GAN: variants seen among roughly 807,000 people sequenced by gnomAD.
GAN encodes gigaxonin.
Under a neutral mutation model 71.3 loss-of-function variants are expected in GAN, and 48 were observed. That is an observed-to-expected ratio of 0.67 (90% CI 0.53 to 0.86). The LOEUF (loss-of-function observed/expected upper bound fraction) is 0.86, where lower values mean the gene tolerates loss of function less well. GAN is among the 40% of genes least tolerant of loss of function. GAN has a pLI of 0.00. For synonymous variants in GAN, 386 were observed against 276.8 expected (o/e 1.39, Z -3.92); for missense variants, 928 against 770.1 (o/e 1.21, Z -2.43).
intron 1 of GAN, 31 bp from the exon 2 acceptor site, chr16:81,351,552 T>A: frequency 2.3e-6 from 2 of 888,108 alleles, no homozygotes; most frequent in Middle Eastern, 4.5e-4. Context: ...TGTTCTTTCA[T>A]AGAAATTTTA....
chr16:81,354,638 G>C lies in GAN; in HGVS notation c.516G>C (p.Glu172Asp). Reference sequence around the variant, plus strand: ...TCAGCAGCACGGAAGAATTCTTAGAGCTGAGTCCTCAAAAGCTTAAAGAAG... The same window carrying C: ...TCAGCAGCACGGAAGAATTCTTAGACCTGAGTCCTCAAAAGCTTAAAGAAG... ...RDVSSTEEFL[E>D]LSPQKLKEVI... The change falls in exon 3 of 11, where the codon GAG becomes GAC. Residue 172 changes from glutamate (E) to aspartate (D), a missense_variant. Coordinates refer to ENST00000648994, the MANE Select transcript of GAN (RefSeq NM_022041.4). 1 of 1,613,688 alleles carries C rather than the reference G, an allele frequency of 6.2e-7. No individual in the cohort carries two copies. Among genetic ancestry groups the C allele is most frequent in the Non-Finnish European group, 8.5e-7 (1 of 1,179,584 alleles).
In GAN at chr16:81,354,419, A is replaced by G; in HGVS notation, c.297A>G (p.Glu99=). The G allele has an allele frequency of 6.2e-7, 1 of 1,608,296 alleles. No homozygotes were observed. The highest frequency in any genetic ancestry group is 8.5e-7 in the Non-Finnish European group (1 of 1,174,652). Residue 99 remains glutamate (E), a synonymous_variant, in exon 3 of 11, where the codon GAA becomes GAG. Coordinates refer to ENST00000648994, the MANE Select transcript of GAN (RefSeq NM_022041.4). ...YIFSGQIRLN[E]DTIQDVVQAA... is the part of the protein sequence containing the mutation. ...TACTTTTTTAGATCAGGCTAAATGA[A>G]GATACAATCCAAGATGTTGTTCAGG...
chr16:81,373,520 G>T lies in GAN; in HGVS notation c.1503-3699G>T, dbSNP rs189453377. On this transcript the variant is annotated intron_variant, in intron 9 of 10. Coordinates refer to ENST00000648994, the MANE Select transcript of GAN (RefSeq NM_022041.4). Reference sequence around the variant, plus strand: ...AGTTAAAGAGTTCCCATTTCCATAAGCCATTCAATCAGCTTCTCCTAGTGT... The same window carrying T: ...AGTTAAAGAGTTCCCATTTCCATAATCCATTCAATCAGCTTCTCCTAGTGT... Among the ~76,000 whole-genome samples, 19 of 152,326 alleles carry T rather than the reference G, an allele frequency of 1.2e-4. No homozygotes were observed. The East Asian group carries it at 3.5e-3, about 28-fold the overall frequency.
intron 1 of GAN, among the ~76,000 whole-genome samples, chr16:81,339,714 G>C (rs1167390869): frequency 6.6e-6 from 1 of 152,182 alleles, no homozygotes; most frequent in African/African-American, 2.4e-5. Flanking sequence ...TAAGGGCGGA[G>C]GTGCAGCTTG....
Position 81,383,166 on chromosome 16 carries a change from C to T in GAN, c.*5570C>T, listed in dbSNP as rs1438872928. On this transcript the variant is annotated 3_prime_UTR_variant, in exon 11 of 11. Transcript: ENST00000648994. ...TGATTGGATTTTTAAACCCCTTCCC[C>T]TTTTCATGAAATTAAACATCAAATA... 6.7e-6 allele frequency: 1 copy of T among 150,062 alleles called. No individual in the cohort carries two copies. Among genetic ancestry groups the T allele is most frequent in the African/African-American group, 2.5e-5 (1 of 40,728 alleles). The allele number at this position is 150,062 out of a possible 1,614,324, so 9.3% of individuals were successfully genotyped here.
intron 1 of GAN, among the ~76,000 whole-genome samples, chr16:81,348,757 G>A (rs1303399943): frequency 6.6e-6 from 1 of 152,228 alleles, no homozygotes; most frequent in Non-Finnish European, 1.5e-5. Flanking sequence ...AGGTTTTGCT[G>A]TTGTGTGATC....
chr16:81,354,863 A>T, intron 3 of GAN, 108 bp downstream of exon 3: 1 of 695,792 alleles, frequency 1.4e-6, no homozygotes, highest in Non-Finnish European at 2.5e-6. Flanking sequence ...CGATGCAGCA[A>T]TCTAAAAGAT....
chr16:81,344,872 C>G (rs1453762947), intron 1 of GAN, among the ~76,000 whole-genome samples: 1 of 152,142 alleles, frequency 6.6e-6, no homozygotes, highest in Non-Finnish European at 1.5e-5. Flanking sequence ...GGGCTAATAT[C>G]CAGAATCTAC....
At chr16:81,368,586 A>T (rs1175403357) in intron 9 of GAN, among the ~76,000 whole-genome samples, 1 of 152,206 alleles carries the variant, frequency 6.6e-6, no homozygotes, top group Non-Finnish European at 1.5e-5. Context: ...CTCCATCCTG[A>T]GTGCCAGAGC....
intron 1 of GAN, 56 bp downstream of exon 1, chr16:81,315,336 G>C: frequency 7.8e-7 from 1 of 1,285,162 alleles, no homozygotes; most frequent in African/African-American, 1.6e-5. Flanking sequence ...GCCGGAGGCG[G>C]GGCGGCCGGG....
intron 1 of GAN, among the ~76,000 whole-genome samples, chr16:81,326,031 C>T (rs1222867566): frequency 6.6e-6 from 1 of 152,094 alleles, no homozygotes; most frequent in African/African-American, 2.4e-5. Context: ...AAGATTTTTC[C>T]AACTCTGCCA....
At position 81,365,041 on chromosome 16, in the gene GAN, T is replaced by C; in HGVS notation, c.1304T>C (p.Phe435Ser). 1 of 1,613,734 alleles carries C rather than the reference T, an allele frequency of 6.2e-7. No individual in the cohort carries two copies. Among genetic ancestry groups the C allele is most frequent in the Non-Finnish European group, 8.5e-7 (1 of 1,179,620 alleles). Reference sequence around the variant, plus strand: ...GGTGGAGGCTCCTACGGAAAGCTTTTTGAGTCTGTAGAGTGTTATGATCCC... The same window carrying C: ...GGTGGAGGCTCCTACGGAAAGCTTTCTGAGTCTGTAGAGTGTTATGATCCC... The part of the protein sequence containing the change: ...AMGGGSYGKL[F>S]ESVECYDPRT... The change falls in exon 8 of 11, where the codon TTT becomes TCT. Residue 435 changes from phenylalanine to serine, a missense_variant. By Grantham distance (155) the Phe-to-Ser change is radical (BLOSUM62 -2). Coordinates refer to ENST00000648994, the MANE Select transcript of GAN (RefSeq NM_022041.4).
rs1904399439 is a variant in GAN, at chr16:81,386,306, T to G, written c.*8710T>G. 2.0e-5 allele frequency: 3 copies of G among 152,202 alleles called. No individual in the cohort carries two copies. The South Asian group carries it at 6.2e-4, about 31-fold the overall frequency. 9.4% of individuals were successfully genotyped at this position (152,202 alleles called of 1,614,324 possible). ...ATCTGTATTGGTCAAAGAAACGAGATAATTCCTAGATCTCTGTTTTAGACC... is the reference window on the plus strand; with the variant it reads ...ATCTGTATTGGTCAAAGAAACGAGAGAATTCCTAGATCTCTGTTTTAGACC... On this transcript the variant is annotated 3_prime_UTR_variant, in exon 11 of 11. Transcript: ENST00000648994.
intron 1 of GAN, among the ~76,000 whole-genome samples, chr16:81,343,730 C>G (rs550376273): frequency 1.8e-4 from 28 of 152,316 alleles, no homozygotes; most frequent in Admixed American, 6.5e-4. Context: ...CCCTCTCTCA[C>G]CATTCCTATT....
chr16:81,348,636 C>T (rs1047673226), intron 1 of GAN, among the ~76,000 whole-genome samples: 1 of 152,156 alleles, frequency 6.6e-6, no homozygotes, highest in African/African-American at 2.4e-5. Context: ...TCTGTTTAGC[C>T]CAGAGTAATA....
At chr16:81,322,402 C>T (rs1909250806) in intron 1 of GAN, among the ~76,000 whole-genome samples, 2 of 152,164 alleles carry the variant, frequency 1.3e-5, no homozygotes, top group Admixed American at 6.5e-5. Context: ...GGCCTTTGCC[C>T]TTCTGGAGCC....
rs537248177 is a variant in GAN, at chr16:81,324,171, A to C, written c.167+8891A>C. The stretch of plus-strand genomic sequence containing the variant: ...TTACCCCAATTAATCACATTTACAG[A>C]AATGACTTTCTTTAAGTAGAGAACA... On this transcript the variant is annotated intron_variant, in intron 1 of 10. Transcript: ENST00000648994. 5.3e-4 allele frequency among the ~76,000 whole-genome samples: 81 copies of C among 152,312 alleles called. 1 individual carries two copies. The highest frequency in any genetic ancestry group is 1.8e-3 in the African/African-American group (75 of 41,546).
intron 1 of GAN, among the ~76,000 whole-genome samples, chr16:81,326,130 C>CT (rs1909378212): frequency 6.6e-6 from 1 of 152,126 alleles, no homozygotes; most frequent in Non-Finnish European, 1.5e-5. Context: ...TGTGGAAAAC[C>CT]AGTAGACATA....
At position 81,317,181 on chromosome 16, in the gene GAN, A is replaced by T. The variant is rs144434001; in HGVS notation, c.167+1901A>T. Among the ~76,000 whole-genome samples, 923 of 152,168 alleles carry T rather than the reference A, an allele frequency of 6.1e-3. 6 individuals carry two copies. Among genetic ancestry groups the T allele is most frequent in the African/African-American group, 0.021 (881 of 41,500 alleles). ...GGTGTTTTCTTTTATTCACTGCTTTACTCTTTGCACCCAGAAAGAACTGTG... is the reference window on the plus strand; with the variant it reads ...GGTGTTTTCTTTTATTCACTGCTTTTCTCTTTGCACCCAGAAAGAACTGTG... On this transcript the variant is annotated intron_variant, in intron 1 of 10. Transcript: ENST00000648994.
Sources: gnomAD v4.1 joint callset for allele counts (sites outside exome capture counted in the v4.1 genomes callset) on GRCh38, gnomAD v4.1.1 for gene constraint, MANE v1.5 for transcripts, NCBI Gene and HGNC (gene_info 2026-07-23, HGNC 2026-07-21) for gene names.